USP50: variants seen among roughly 807,000 people sequenced by gnomAD.
USP50 encodes ubiquitin carboxyl-terminal hydrolase 50.
A neutral mutation model predicts 39.2 loss-of-function variants in USP50; 37 were observed. The ratio of observed to expected loss-of-function variants is 0.94; its 90% CI spans 0.73 to 1.24. The LOEUF (loss-of-function observed/expected upper bound fraction) is 1.24. Ranked by LOEUF, USP50 falls within the 50% of genes most tolerant of loss-of-function variation. The pLI is 0.00. For missense variants in USP50, 374 were observed against 398.2 expected (o/e 0.94, Z 0.52); for synonymous variants, 139 against 144.5 (o/e 0.96, Z 0.27).
intron 6 of USP50, chr15:50,508,568 A>C (rs1338238268): frequency 1.3e-5 from 2 of 152,236 alleles, no homozygotes; most frequent in Admixed American, 1.3e-4. Flanking sequence ...TTAAAACATT[A>C]AAACATAACA....
downstream of USP50, chr15:50,498,448 C>T: frequency 2.8e-6 from 3 of 1,053,994 alleles, no homozygotes; most frequent in South Asian, 6.4e-5. Context: ...AGCCAAATGT[C>T]TTTAACAGGT....
chr15:50,534,465 G>A (rs1477324869), intron 5 of USP50, among the ~76,000 whole-genome samples: 1 of 152,030 alleles, frequency 6.6e-6, no homozygotes, highest in Non-Finnish European at 1.5e-5. Context: ...AAGAACAAGG[G>A]CAACAAATAG....
At chr15:50,536,144 A>G (rs922329184) in intron 5 of USP50, among the ~76,000 whole-genome samples, 2 of 152,236 alleles carry the variant, frequency 1.3e-5, no homozygotes, top group Non-Finnish European at 2.9e-5. Context: ...TAAGAAAGAC[A>G]AGAAAATAAC....
intron 6 of USP50, among the ~76,000 whole-genome samples, chr15:50,526,719 A>T (rs2052901247): frequency 6.6e-6 from 1 of 152,332 alleles, no homozygotes; most frequent in Non-Finnish European, 1.5e-5. Context: ...AATCAGAGGC[A>T]GCACAATGTC....
At chr15:50,518,519 T>G (rs887080543) in intron 6 of USP50, among the ~76,000 whole-genome samples, 8 of 152,018 alleles carry the variant, frequency 5.3e-5, no homozygotes, top group Admixed American at 4.6e-4. Flanking sequence ...CCCAGCCAAC[T>G]GATTCTTCAA....
At chr15:50,505,883 G>A (rs1282095461) in intron 6 of USP50, 1 of 152,288 alleles carries the variant, frequency 6.6e-6, no homozygotes, top group Non-Finnish European at 1.5e-5. Flanking sequence ...CTTAAGCCCA[G>A]AGTTCAAAAC....
At chr15:50,501,857 A>G (rs2052594343) in intron 6 of USP50, 1 of 152,200 alleles carries the variant, frequency 6.6e-6, no homozygotes, top group Non-Finnish European at 1.5e-5. Flanking sequence ...AAAAGATCCA[A>G]GTAATAATAG....
chr15:50,505,914 T>C (rs2052651657), intron 6 of USP50: 1 of 152,260 alleles, frequency 6.6e-6, no homozygotes, highest in Admixed American at 6.5e-5. Flanking sequence ...TATGATTCAT[T>C]GCACTAGTGC....
At chr15:50,522,316 T>C (rs960754408) in intron 6 of USP50, among the ~76,000 whole-genome samples, 2 of 152,160 alleles carry the variant, frequency 1.3e-5, no homozygotes, top group African/African-American at 4.8e-5. Context: ...TCCCAGCTAC[T>C]AGGGAAGCTG....
downstream of USP50, chr15:50,493,149 G>A (rs560150015): frequency 1.7e-6 from 1 of 599,416 alleles, no homozygotes; most frequent in South Asian, 1.5e-5. Context: ...AAGCGAAAGA[G>A]GACAGACTCG....
At chr15:50,513,791 C>G (rs2052771102) in intron 6 of USP50, 1 of 152,162 alleles carries the variant, frequency 6.6e-6, no homozygotes, top group South Asian at 2.1e-4. Flanking sequence ...GGATTTAAGG[C>G]AACTGAAACT....
intron 6 of USP50, among the ~76,000 whole-genome samples, chr15:50,525,707 G>GTATAT (rs761566841): frequency 0.47 from 60,353 of 128,852 alleles, 14,009 homozygotes; most frequent in East Asian, 0.57. Flanking sequence ...GTATATATAT[G>GTATAT]TATATATGTA....
chr15:50,533,932 A>G (rs917530744), intron 5 of USP50, among the ~76,000 whole-genome samples: 1 of 152,112 alleles, frequency 6.6e-6, no homozygotes, highest in African/African-American at 2.4e-5. Context: ...CCTGGGAGGC[A>G]GAGATTGCAG....
At chr15:50,537,237 G>GAA (rs201961647) in intron 5 of USP50, among the ~76,000 whole-genome samples, 27 of 143,472 alleles carry the variant, frequency 1.9e-4, no homozygotes, top group South Asian at 1.1e-3. Context: ...ATATCCACGC[G>GAA]AAAAAAAAAA....
chr15:50,514,822 C>T (rs1596008912), intron 6 of USP50, among the ~76,000 whole-genome samples: 1 of 151,914 alleles, frequency 6.6e-6, no homozygotes, highest in South Asian at 2.1e-4. Flanking sequence ...GCCACCACCC[C>T]TGGCCTACAA....
At chr15:50,496,897 C>T, downstream of USP50, 3 of 629,584 alleles carry the variant, frequency 4.8e-6, no homozygotes, top group South Asian at 7.4e-5. Context: ...TAGCACTCAC[C>T]ACACTCTGTG....
chr15:50,532,224 G>C (rs1043275472), intron 5 of USP50: 1 of 456,254 alleles, frequency 2.2e-6, no homozygotes, highest in East Asian at 6.9e-5. Context: ...ATCTCCTCAT[G>C]CTTCTGGCAA....
At chr15:50,516,729 A>C (rs2052806630) in intron 6 of USP50, among the ~76,000 whole-genome samples, 1 of 131,924 alleles carries the variant, frequency 7.6e-6, no homozygotes, top group Non-Finnish European at 1.6e-5. Context: ...ATGGACACTA[A>C]AAGAAAGCTA....
downstream of USP50, chr15:50,498,339 C>T (rs2052493092): frequency 6.1e-6 from 2 of 326,518 alleles, no homozygotes; most frequent in Non-Finnish European, 1.1e-5. Flanking sequence ...GTAGCTGGAC[C>T]AGAGTATAGT....
Sources: gnomAD v4.1 joint callset for allele counts (sites outside exome capture counted in the v4.1 genomes callset) on GRCh38, gnomAD v4.1.1 for gene constraint, MANE v1.5 for transcripts, NCBI Gene and HGNC (gene_info 2026-07-23, HGNC 2026-07-21) for gene names.